Variants in EGF observed in about 807,000 individuals in gnomAD.
The protein encoded by EGF is epidermal growth factor, also known as pro-epidermal growth factor.
In EGF, 95 loss-of-function variants were observed where a neutral mutation model predicts 143.8. The ratio of observed to expected loss-of-function variants is 0.66; its 90% CI spans 0.56 to 0.78. The LOEUF is 0.78. Ranked by LOEUF, EGF falls within the 30% of genes least tolerant of loss-of-function variation. The probability of loss-of-function intolerance (pLI) is 0.00; values close to 1 mark genes in which losing one functional copy is unlikely to be tolerated. For synonymous variants in EGF, 510 were observed against 510.5 expected (o/e 1.00, Z 0.01); for missense variants, 1,320 against 1,470.9 (o/e 0.90, Z 1.68).
At chr4:109,941,268 A>C in intron 2 of EGF, 123 bp downstream of exon 2, 2 of 856,004 alleles carry the variant, frequency 2.3e-6, no homozygotes, top group Non-Finnish European at 3.7e-6. Context: ...TGTCTGCCAA[A>C]TATAGGCATT....
intron 11 of EGF, among the ~76,000 whole-genome samples, chr4:109,973,014 G>A (rs1429212864): frequency 2.0e-5 from 3 of 152,184 alleles, no homozygotes; most frequent in African/African-American, 7.2e-5. Context: ...ATGAATTAAA[G>A]GTGGTTATAT....
At chr4:109,999,935 A>G in intron 21 of EGF, 89 bp downstream of exon 21, 2 of 1,556,498 alleles carry the variant, frequency 1.3e-6, no homozygotes, top group Non-Finnish European at 1.8e-6. Context: ...TGTATGAAAT[A>G]GTACCTCTAC....
rs11569143 is a variant in EGF, at chr4:110,010,790, G to T, written c.3371-412G>T. 4.1e-3 allele frequency among the ~76,000 whole-genome samples: 628 copies of T among 152,318 alleles called. 4 individuals carry two copies. Among genetic ancestry groups the T allele is most frequent in the African/African-American group, 0.014 (579 of 41,558 alleles). On this transcript the variant is annotated intron_variant, in intron 23 of 23. Coordinates refer to ENST00000265171, the MANE Select transcript of EGF (RefSeq NM_001963.6). Reference sequence around the variant, plus strand: ...AAAATTGGGCTCAGGGTGGGGTGTGGTGTCTCATACCTGTAATTCTAGCAC... The same window carrying T: ...AAAATTGGGCTCAGGGTGGGGTGTGTTGTCTCATACCTGTAATTCTAGCAC...
At position 110,011,740 on chromosome 4, in the gene EGF, T is replaced by C. The variant is rs569764301; in HGVS notation, c.*285T>C. 10 of 453,900 alleles carry C rather than the reference T, an allele frequency of 2.2e-5. No homozygotes were observed. The highest frequency in any genetic ancestry group is 1.7e-4 in the South Asian group (7 of 42,120). The allele number at this position is 453,900 out of a possible 1,614,324, so 28.1% of individuals were successfully genotyped here. A position where few individuals can be genotyped will look rare whatever the true frequency, so the allele number is the denominator to read the frequency against. Reference sequence around the variant, plus strand: ...TTGTAAATTGTGTTGTCTTCAGCAGTCAATACAAATAGATTTTTGTTTTTG... The same window carrying C: ...TTGTAAATTGTGTTGTCTTCAGCAGCCAATACAAATAGATTTTTGTTTTTG... On this transcript the variant is annotated 3_prime_UTR_variant, in exon 24 of 24. Coordinates refer to ENST00000265171, the MANE Select transcript of EGF (RefSeq NM_001963.6).
intron 9 of EGF, 107 bp downstream of exon 9, chr4:109,963,405 T>C (rs1043613743): frequency 1.5e-5 from 22 of 1,476,080 alleles, no homozygotes; most frequent in South Asian, 9.3e-5. Context: ...ATTTTTGAAA[T>C]GGAAAAAAAG....
Position 110,011,282 on chromosome 4 carries a change from T to A in EGF, c.3451T>A (p.Ser1151Thr), listed in dbSNP as rs991255855. The A allele has an allele frequency of 1.2e-6, 2 of 1,614,014 alleles. No individual in the cohort carries two copies. The highest frequency in any genetic ancestry group is 2.7e-5 in the African/African-American group (2 of 74,918). The change falls in exon 24 of 24, where the codon TCC (serine) becomes ACC (threonine). Residue 1151 changes from serine to threonine, a missense_variant. This residue lies in a region of EGF where 1,186 missense variants were observed against 1,313.7 expected (regional missense o/e 0.90). Coordinates refer to ENST00000265171, the MANE Select transcript of EGF (RefSeq NM_001963.6). ...AGAGCAAGGCTGCTGGATTCCAGTA[T>A]CCAGTGATAAGGGCTCCTGTCCCCA... ...GTEQGCWIPV[S>T]SDKGSCPQVM...
intron 13 of EGF, among the ~76,000 whole-genome samples, chr4:109,977,844 T>C (rs924588541): frequency 5.9e-5 from 9 of 151,900 alleles, no homozygotes; most frequent in Non-Finnish European, 1.0e-4. Context: ...TCTCAAAAAA[T>C]ACAAAAACCA....
At chr4:109,979,915 T>C in intron 13 of EGF, 57 bp from the exon 14 acceptor site, 1 of 1,599,126 alleles carries the variant, frequency 6.3e-7, no homozygotes, top group Non-Finnish European at 8.6e-7. Flanking sequence ...TGTCCTTTCG[T>C]AAATAGTCAT....
In EGF at chr4:109,980,057, G is replaced by C. The variant is rs752331451; in HGVS notation, c.2139G>C (p.Arg713Ser). 2.5e-6 allele frequency: 4 copies of C among 1,614,006 alleles called. No individual in the cohort carries two copies. The highest frequency in any genetic ancestry group is 2.5e-6 in the Non-Finnish European group (3 of 1,179,934). Reference sequence around the variant, plus strand: ...CATCAGTAATGAGAGTAAACAAGAGGACTGGCAAAGATAGAGTACGTCTCC... The same window carrying C: ...CATCAGTAATGAGAGTAAACAAGAGCACTGGCAAAGATAGAGTACGTCTCC... Reference protein sequence around the residue: ...AMPSVMRVNKRTGKDRVRLQG... With the variant: ...AMPSVMRVNKSTGKDRVRLQG... The change falls in exon 14 of 24, where the codon AGG becomes AGC. Residue 713 changes from arginine (R) to serine (S), a missense_variant. By Grantham distance (110) the Arg-to-Ser change is moderately radical. Coordinates refer to ENST00000265171, the MANE Select transcript of EGF (RefSeq NM_001963.6).
Position 109,976,094 on chromosome 4 carries a change from A to G in EGF, c.1912A>G (p.Ser638Gly). The change falls in exon 13 of 24, where the codon AGC becomes GGC. Residue 638 changes from serine to glycine, a missense_variant. By Grantham distance (56) the Ser-to-Gly change is moderately conservative. Transcript: ENST00000265171. ...LQGLGRLVIA[S>G]SDLIWPSGIT... ...AGGCCTTGGCCGTCTGGTTATAGCC[A>G]GCTCTGATCTAATCTGGCCCAGTGG... is the stretch of plus-strand genomic sequence containing the variant. The G allele has an allele frequency of 6.2e-7, 1 of 1,614,126 alleles. No homozygotes were observed. The highest frequency in any genetic ancestry group is 8.5e-7 in the Non-Finnish European group (1 of 1,179,956).
chr4:109,981,602 AT>A (rs1191308585), intron 15 of EGF, among the ~76,000 whole-genome samples: 1 of 152,222 alleles, frequency 6.6e-6, no homozygotes, highest in East Asian at 1.9e-4. Context: ...TCTAGCAGAA[AT>A]ATACCAAAGA....
At chr4:109,940,746 G>A (rs866807733) in intron 1 of EGF, 200 bp from the exon 2 acceptor site, 44 of 584,960 alleles carry the variant, frequency 7.5e-5, no homozygotes, top group African/African-American at 6.3e-4. Context: ...CTTATAATCA[G>A]TTTGTGGAGA....
At chr4:110,003,749 A>G (rs1752881420) in intron 21 of EGF, among the ~76,000 whole-genome samples, 1 of 144,648 alleles carries the variant, frequency 6.9e-6, no homozygotes, top group Non-Finnish European at 1.5e-5. Flanking sequence ...GTTGAATGTC[A>G]AACAAGACAG....
At chr4:109,920,797 C>CA (rs764324740) in intron 1 of EGF, among the ~76,000 whole-genome samples, 1 of 151,696 alleles carries the variant, frequency 6.6e-6, no homozygotes, top group African/African-American at 2.4e-5. Flanking sequence ...TTCTTGCCTA[C>CA]AGGCCAGCGC....
intron 20 of EGF, 80 bp from the exon 21 acceptor site, chr4:109,999,599 A>G: frequency 6.4e-6 from 10 of 1,568,126 alleles, no homozygotes; most frequent in Non-Finnish European, 8.8e-6. Flanking sequence ...AGGTTGAGAG[A>G]CAGCTGAATA....
At chr4:110,003,355 T>C (rs755147935) in intron 21 of EGF, among the ~76,000 whole-genome samples, 3 of 152,194 alleles carry the variant, frequency 2.0e-5, no homozygotes, top group Non-Finnish European at 4.4e-5. Context: ...TTAATAGCCA[T>C]TCTGACTGGT....
intron 5 of EGF, 27 bp downstream of exon 5, chr4:109,945,302 G>T: frequency 6.2e-7 from 1 of 1,603,382 alleles, no homozygotes; most frequent in African/African-American, 1.3e-5. Context: ...CTTGCGCAGG[G>T]CCTGACACAT....
chr4:109,919,653 A>G (rs1560624063), intron 1 of EGF, among the ~76,000 whole-genome samples: 1 of 147,616 alleles, frequency 6.8e-6, no homozygotes, highest in Non-Finnish European at 1.5e-5. Flanking sequence ...AGTGACAGGT[A>G]GGGGGGAACT....
intron 16 of EGF, among the ~76,000 whole-genome samples, chr4:109,987,195 A>G (rs998934210): frequency 6.6e-6 from 1 of 152,224 alleles, no homozygotes; most frequent in Non-Finnish European, 1.5e-5. Context: ...TAAAAATTAT[A>G]AATAAGTTCA....
Sources: gnomAD v4.1 joint callset for allele counts (sites outside exome capture counted in the v4.1 genomes callset) on GRCh38, gnomAD v4.1.1 for gene constraint, gnomAD v4.1.1 regional missense constraint, MANE v1.5 for transcripts, NCBI Gene and HGNC (gene_info 2026-07-23, HGNC 2026-07-21) for gene names.